Variants in TBXAS1 observed in about 807,000 individuals in gnomAD.
TBXAS1 encodes thromboxane A synthase 1, also known as thromboxane-A synthase.
In TBXAS1, 48 loss-of-function variants were observed where a neutral mutation model predicts 60.7. The observed-to-expected ratio is 0.79, with a 90% confidence interval of 0.63 to 1.01. The LOEUF (loss-of-function observed/expected upper bound fraction) is 1.01, where lower values mean the gene tolerates loss of function less well. Among genes scored for constraint, TBXAS1 ranks in the 50% least tolerant of loss-of-function variants. The pLI is 0.00. For missense variants in TBXAS1, 685 were observed against 686.3 expected (o/e 1.00, Z 0.02); for synonymous variants, 287 against 269.7 (o/e 1.06, Z -0.63).
intron 12 of TBXAS1, among the ~76,000 whole-genome samples, chr7:140,019,544 G>A (rs1475513501): frequency 6.6e-6 from 1 of 152,126 alleles, no homozygotes; most frequent in African/African-American, 2.4e-5. Context: ...GGCTCCCACA[G>A]GAGACACGTA....
At chr7:139,814,044 G>C (rs1798089515) in intron 4 of TBXAS1, among the ~76,000 whole-genome samples, 1 of 152,162 alleles carries the variant, frequency 6.6e-6, no homozygotes, top group Non-Finnish European at 1.5e-5. Context: ...CACGGCCTTT[G>C]CTTCTGCCTC....
chr7:139,937,215 G>A (rs945108823), intron 5 of TBXAS1, among the ~76,000 whole-genome samples: 2 of 152,226 alleles, frequency 1.3e-5, no homozygotes, highest in South Asian at 2.1e-4. Context: ...TTTAGTTCCA[G>A]TCTCAGGTAC....
chr7:139,957,923 A>T (rs1225700121), intron 8 of TBXAS1, among the ~76,000 whole-genome samples, 159 bp downstream of exon 8: 1 of 152,116 alleles, frequency 6.6e-6, no homozygotes, highest in East Asian at 1.9e-4. Context: ...GAGAGAACAG[A>T]GGAAGGTTGA....
At chr7:139,835,179 G>A (rs1798979490) in intron 1 of TBXAS1, among the ~76,000 whole-genome samples, 1 of 150,942 alleles carries the variant, frequency 6.6e-6, no homozygotes. Flanking sequence ...CCATTCTCCT[G>A]CCTCAGCCTC....
At chr7:139,925,519 A>G (rs1806810347) in intron 4 of TBXAS1, among the ~76,000 whole-genome samples, 1 of 152,086 alleles carries the variant, frequency 6.6e-6, no homozygotes, top group Non-Finnish European at 1.5e-5. Flanking sequence ...TACTGAATTC[A>G]TTTATGAGAT....
At chr7:140,017,320 G>T (rs1815158518) in intron 11 of TBXAS1, among the ~76,000 whole-genome samples, 1 of 152,222 alleles carries the variant, frequency 6.6e-6, no homozygotes, top group Non-Finnish European at 1.5e-5. Flanking sequence ...GGGCCCAGGT[G>T]AGGGTGATCA....
At chr7:139,843,320 C>A (rs1799587815) in intron 1 of TBXAS1, among the ~76,000 whole-genome samples, 1 of 147,774 alleles carries the variant, frequency 6.8e-6, no homozygotes, top group African/African-American at 2.5e-5. Context: ...TACTACTTTA[C>A]TTTATTTATT....
At chr7:139,836,268 G>A (rs56147462) in intron 1 of TBXAS1, among the ~76,000 whole-genome samples, 104,126 of 151,904 alleles carry the variant, frequency 0.69, 37,538 homozygotes, top group East Asian at 0.92. Flanking sequence ...ATTCAATGCA[G>A]TCTGCATCAA....
chr7:139,782,810 TCTGA>T (rs1184254426), intron 3 of TBXAS1: 4 of 152,234 alleles, frequency 2.6e-5, no homozygotes, highest in Non-Finnish European at 5.9e-5. Flanking sequence ...TTCCTCTCTT[TCTGA>T]CTGTGTGTCT....
At chr7:139,884,963 G>A (rs1361977330) in intron 3 of TBXAS1, among the ~76,000 whole-genome samples, 1 of 152,192 alleles carries the variant, frequency 6.6e-6, no homozygotes, top group Non-Finnish European at 1.5e-5. Flanking sequence ...ATCATGGTTG[G>A]AACAGATCCA....
chr7:139,853,203 C>T (rs1409700037), intron 1 of TBXAS1, among the ~76,000 whole-genome samples: 1 of 152,192 alleles, frequency 6.6e-6, no homozygotes, highest in Non-Finnish European at 1.5e-5. Flanking sequence ...CTGGGGATAG[C>T]GTCCTGTAAG....
intron 3 of TBXAS1, among the ~76,000 whole-genome samples, chr7:139,897,356 C>T (rs1416142979): frequency 4.3e-4 from 26 of 60,402 alleles, no homozygotes; most frequent in Admixed American, 2.2e-3. Flanking sequence ...GGACCGGGGG[C>T]AGGCAGGCGG....
intron 4 of TBXAS1, among the ~76,000 whole-genome samples, chr7:139,799,996 C>T (rs758649969): frequency 3.3e-5 from 5 of 152,114 alleles, no homozygotes; most frequent in African/African-American, 9.7e-5. Context: ...ATGTGTGGAT[C>T]ATTCTGTCTT....
chr7:139,854,852 A>G lies in TBXAS1; in HGVS notation c.90-17383A>G, dbSNP rs138024059. 5.8e-3 allele frequency among the ~76,000 whole-genome samples: 891 copies of G among 152,334 alleles called. 6 individuals carry two copies. Among genetic ancestry groups the G allele is most frequent in the South Asian group, 0.026 (124 of 4,830 alleles). ...CCTTAGTTCTCCTGTTTTCTGTAGG[A>G]TAAGCTCTCTGGAGGCTAGGATGTA... On this transcript the variant is annotated intron_variant, in intron 1 of 12. Coordinates refer to ENST00000448866, the MANE Select transcript of TBXAS1 (RefSeq NM_001061.7).
At chr7:139,926,453 T>A (rs1477834758) in intron 4 of TBXAS1, among the ~76,000 whole-genome samples, 1 of 152,254 alleles carries the variant, frequency 6.6e-6, no homozygotes, top group African/African-American at 2.4e-5. Flanking sequence ...TAGCTGCTAA[T>A]GATCCTTTGA....
At chr7:139,823,928 C>T (rs1266739013) in intron 4 of TBXAS1, among the ~76,000 whole-genome samples, 3 of 152,182 alleles carry the variant, frequency 2.0e-5, no homozygotes, top group Non-Finnish European at 4.4e-5. Flanking sequence ...ACCCAGCATC[C>T]TTCATGGCAA....
At chr7:139,885,975 T>G (rs535989292) in intron 3 of TBXAS1, among the ~76,000 whole-genome samples, 45 of 152,282 alleles carry the variant, frequency 3.0e-4, no homozygotes, top group African/African-American at 1.0e-3. Flanking sequence ...CTGGAACATA[T>G]TCTTCTTTCT....
At position 139,971,594 on chromosome 7, in the gene TBXAS1, A is replaced by G. The variant is rs1324667531; in HGVS notation, c.1134+9361A>G. On this transcript the variant is annotated intron_variant, in intron 9 of 12. Coordinates refer to ENST00000448866, the MANE Select transcript of TBXAS1 (RefSeq NM_001061.7). ...ATCTGGGCTGCAAATGGGTGCCAAG[A>G]CCTTCCTCTGCCCCTACTCAGGACT... Among the ~76,000 whole-genome samples the G allele has an allele frequency of 2.0e-5, 3 of 151,828 alleles. No individual in the cohort carries two copies. The East Asian group carries it at 5.8e-4, about 29-fold the overall frequency.
chr7:139,805,253 C>T (rs1340384467), intron 4 of TBXAS1, among the ~76,000 whole-genome samples: 2 of 152,228 alleles, frequency 1.3e-5, no homozygotes, highest in African/African-American at 4.8e-5. Flanking sequence ...ATCATCATTC[C>T]CACTACATAG....
Sources: gnomAD v4.1 joint callset for allele counts (sites outside exome capture counted in the v4.1 genomes callset) on GRCh38, gnomAD v4.1.1 for gene constraint, MANE v1.5 for transcripts, NCBI Gene and HGNC (gene_info 2026-07-23, HGNC 2026-07-21) for gene names.